The following RIPOR2 variants were observed in gnomAD, a reference collection of about 807,000 sequenced individuals.
The protein encoded by RIPOR2 is RHO family interacting cell polarization regulator 2.
In RIPOR2, 39 loss-of-function variants were observed where a neutral mutation model predicts 114.5. The ratio of observed to expected loss-of-function variants is 0.34; its 90% confidence interval spans 0.26 to 0.44. The LOEUF (loss-of-function observed/expected upper bound fraction) is 0.44. Ranked by LOEUF, RIPOR2 falls within the 20% of genes least tolerant of loss-of-function variation. The pLI, the probability that RIPOR2 is intolerant of heterozygous loss-of-function variation, is 1.00. For synonymous variants in RIPOR2, 445 were observed against 484.4 expected (o/e 0.92, Z 1.07); for missense variants, 1,007 against 1,255.1 (o/e 0.80, Z 2.99).
At chr6:25,013,487 G>T (rs181601261) in intron 1 of RIPOR2, among the ~76,000 whole-genome samples, 1 of 152,324 alleles carries the variant, frequency 6.6e-6, no homozygotes, top group Non-Finnish European at 1.5e-5. Flanking sequence ...GCCTGAAGGG[G>T]CGGCCCCTTG....
intron 15 of RIPOR2, among the ~76,000 whole-genome samples, chr6:24,833,866 C>G (rs1265158226): frequency 2.0e-5 from 3 of 151,998 alleles, no homozygotes; most frequent in Non-Finnish European, 4.4e-5. Flanking sequence ...ACTGCTTGCA[C>G]TAAAAGCATG....
intron 1 of RIPOR2, among the ~76,000 whole-genome samples, chr6:24,957,612 G>A (rs11755208): frequency 3.8e-3 from 583 of 152,280 alleles, no homozygotes; most frequent in Non-Finnish European, 6.1e-3. Context: ...AGTGGCTCAC[G>A]CCTGTAATCC....
At chr6:25,023,958 C>T (rs546804302) in intron 1 of RIPOR2, 14 of 730,342 alleles carry the variant, frequency 1.9e-5, no homozygotes, top group Admixed American at 3.5e-5. Flanking sequence ...CCATGTTCCA[C>T]GGGTTCTTGG....
intron 1 of RIPOR2, among the ~76,000 whole-genome samples, chr6:25,040,393 G>A (rs894591423): frequency 6.6e-6 from 1 of 152,094 alleles, no homozygotes; most frequent in Non-Finnish European, 1.5e-5. Flanking sequence ...TGGAATTACA[G>A]GCGTGAGCCA....
At position 24,848,151 on chromosome 6, in the gene RIPOR2, T is replaced by C; in HGVS notation, c.1038A>G (p.Pro346=). The change falls in exon 12 of 22, where the codon CCA becomes CCG. Residue 346 remains proline (P), a synonymous_variant. Transcript: ENST00000643898. ...ATGCGGTCATGTCCTCCACGTCAAA[T>C]GGACTGCAAAACAACAGGTCCCCAG... is the stretch of plus-strand genomic sequence containing the variant. ...IKLNLEITWY[P]FDVEDMTASS... The C allele has an allele frequency of 1.2e-6, 2 of 1,613,290 alleles. No homozygotes were observed. Among genetic ancestry groups the C allele is most frequent in the Admixed American group, 1.7e-5 (1 of 59,912 alleles).
chr6:24,850,402 A>G (rs1762769503), intron 10 of RIPOR2, among the ~76,000 whole-genome samples, 195 bp downstream of exon 10: 1 of 152,028 alleles, frequency 6.6e-6, no homozygotes, highest in Non-Finnish European at 1.5e-5. Flanking sequence ...GCCTGGCCAG[A>G]GGTGGATATT....
At chr6:24,832,579 T>G (rs1239782557) in intron 15 of RIPOR2, among the ~76,000 whole-genome samples, 188 bp from the exon 16 acceptor site, 1 of 152,228 alleles carries the variant, frequency 6.6e-6, no homozygotes, top group African/African-American at 2.4e-5. Flanking sequence ...ATGTTTTTGT[T>G]GCTTTGCATT....
chr6:24,827,202 C>G (rs1760267782), intron 18 of RIPOR2, among the ~76,000 whole-genome samples: 1 of 152,196 alleles, frequency 6.6e-6, no homozygotes, highest in African/African-American at 2.4e-5. Context: ...CCCATGCTTT[C>G]TCTTCCTGGT....
At chr6:25,023,984 G>T in intron 1 of RIPOR2, 1 of 739,066 alleles carries the variant, frequency 1.4e-6, no homozygotes, top group Non-Finnish European at 2.5e-6. Flanking sequence ...ACCGGGATAG[G>T]AATCCCGTGC....
intron 1 of RIPOR2, chr6:25,023,631 T>A: frequency 1.3e-6 from 1 of 763,456 alleles, no homozygotes; most frequent in Admixed American, 1.7e-5. Flanking sequence ...TAAAGGATGG[T>A]GCCTGCTGGG....
intron 1 of RIPOR2, chr6:25,023,805 CT>C: frequency 7.8e-6 from 6 of 765,308 alleles, no homozygotes; most frequent in Non-Finnish European, 4.7e-6. Flanking sequence ...ACGGGGACCC[CT>C]TTTTTAACTC....
intron 1 of RIPOR2, among the ~76,000 whole-genome samples, chr6:24,915,271 T>C (rs73731435): frequency 0.018 from 2,669 of 152,198 alleles, 67 homozygotes; most frequent in African/African-American, 0.058. Flanking sequence ...TTTCTAATAG[T>C]ATAATCTTTT....
intron 1 of RIPOR2, among the ~76,000 whole-genome samples, chr6:25,013,224 T>C (rs1236431700): frequency 3.3e-5 from 5 of 152,338 alleles, no homozygotes; most frequent in Non-Finnish European, 5.9e-5. Flanking sequence ...AAAGAAGCTC[T>C]AACGTTTGAT....
intron 1 of RIPOR2, among the ~76,000 whole-genome samples, chr6:24,949,253 C>A (rs1035830148): frequency 6.6e-6 from 1 of 152,034 alleles, no homozygotes; most frequent in Non-Finnish European, 1.5e-5. Context: ...GATAGAAACA[C>A]CATAGTTTCA....
intron 15 of RIPOR2, 93 bp from the exon 16 acceptor site, chr6:24,832,484 A>G: frequency 9.3e-7 from 1 of 1,075,966 alleles, no homozygotes; most frequent in Non-Finnish European, 1.4e-6. Context: ...TGGTGATGAT[A>G]CTAAATAAAC....
intron 1 of RIPOR2, among the ~76,000 whole-genome samples, chr6:24,920,516 T>A (rs2114104248): frequency 6.6e-6 from 1 of 152,352 alleles, no homozygotes; most frequent in South Asian, 2.1e-4. Context: ...TGCATTGTAT[T>A]ACTGAACTCA....
chr6:25,037,679 A>G lies in RIPOR2; in HGVS notation c.76+4172T>C, dbSNP rs1157214715. On this transcript the variant is annotated intron_variant, in intron 1 of 13. Transcript: ENST00000510784. The surrounding 1 kb of genome is among the most constrained non-coding windows in gnomAD (Gnocchi z 4.5). ...TTTTTACTACACTGCTATGGACTAG[A>G]AAAGAAAATAAATATTTCATTACAG... Among the ~76,000 whole-genome samples the G allele has an allele frequency of 4.6e-5, 7 of 152,206 alleles. No individual in the cohort carries two copies. The highest frequency in any genetic ancestry group is 6.5e-5 in the Admixed American group (1 of 15,284).
chr6:24,935,244 G>A (rs183202074), intron 1 of RIPOR2, among the ~76,000 whole-genome samples: 88 of 150,026 alleles, frequency 5.9e-4, no homozygotes, highest in African/African-American at 1.9e-3. Context: ...GGAGACGGAG[G>A]TTGCAGTGAG....
chr6:24,834,647 G>A (rs555717363), intron 15 of RIPOR2, among the ~76,000 whole-genome samples: 6 of 152,162 alleles, frequency 3.9e-5, no homozygotes, highest in African/African-American at 1.2e-4. Context: ...ACACAGAAAG[G>A]AGTAGAACCA....
Sources: allele counts gnomAD v4.1 joint callset (sites outside exome capture counted in the v4.1 genomes callset), GRCh38; gene constraint gnomAD v4.1.1; non-coding constraint Gnocchi (gnomAD v3.1); transcripts MANE v1.5; gene names NCBI Gene and HGNC (gene_info 2026-07-23, HGNC 2026-07-21).